CEP290: variants seen among roughly 807,000 people sequenced by gnomAD.
The protein encoded by CEP290 is centrosomal protein 290, also known as centrosomal protein of 290 kDa.
Under a neutral mutation model 344.9 loss-of-function variants are expected in CEP290, and 317 were observed. The observed-to-expected ratio is 0.92, with a 90% CI of 0.84 to 1.01. CEP290 has a LOEUF of 1.01. Ranked by LOEUF, CEP290 falls within the 50% of genes least tolerant of loss-of-function variation. The pLI is 0.00. For missense variants in CEP290, 2,754 were observed against 2,761.4 expected (o/e 1.00, Z 0.06); for synonymous variants, 932 against 895.8 (o/e 1.04, Z -0.72).
chr12:88,083,713 C>A, intron 36 of CEP290, 134 bp downstream of exon 36: 1 of 643,370 alleles, frequency 1.6e-6, no homozygotes, highest in Non-Finnish European at 2.7e-6. Flanking sequence ...GAAGAATGAT[C>A]AGAGCTATGT....
At position 88,098,560 on chromosome 12, in the gene CEP290, T is replaced by A. The variant is rs149355354; in HGVS notation, c.2992-1561A>T. 2.8e-4 allele frequency among the ~76,000 whole-genome samples: 43 copies of A among 151,974 alleles called. 1 individual carries two copies. The highest frequency in any genetic ancestry group is 9.9e-4 in the African/African-American group (41 of 41,420). On this transcript the variant is annotated intron_variant, in intron 26 of 53. Transcript: ENST00000552810. ...CCAGGAGGGCAAGGCTGCAATGAGC[T>A]ATGATTGTGCAACTGCACTCGAGCC...
intron 17 of CEP290, among the ~76,000 whole-genome samples, chr12:88,117,637 A>G (rs2039134980): frequency 6.6e-6 from 1 of 152,362 alleles, no homozygotes; most frequent in Non-Finnish European, 1.5e-5. Flanking sequence ...AAGCACTGCA[A>G]TGGCTATTAT....
chr12:88,103,618 T>C (rs1565871773), intron 25 of CEP290: 1 of 152,102 alleles, frequency 6.6e-6, no homozygotes, highest in Non-Finnish European at 1.5e-5. Flanking sequence ...CAAAATGAAA[T>C]GTCCAAACTT....
chr12:88,065,630 C>T (rs956567119), intron 44 of CEP290, among the ~76,000 whole-genome samples: 2 of 152,090 alleles, frequency 1.3e-5, no homozygotes, highest in Admixed American at 1.3e-4. Flanking sequence ...TTCTGTTGTA[C>T]CTATTTGATT....
At chr12:88,121,654 C>T (rs1468694263) in intron 13 of CEP290, among the ~76,000 whole-genome samples, 2 of 150,842 alleles carry the variant, frequency 1.3e-5, no homozygotes, top group Non-Finnish European at 3.0e-5. Context: ...AAGGAGTAAT[C>T]TCTCTTCTCT....
chr12:88,103,999 G>A (rs1389421368), intron 25 of CEP290: 1 of 151,926 alleles, frequency 6.6e-6, no homozygotes, highest in African/African-American at 2.4e-5. Context: ...TCATGAGCAG[G>A]TAGAAGAGGA....
intron 23 of CEP290, 64 bp from the exon 24 acceptor site, chr12:88,107,162 T>C (rs1171934695): frequency 2.5e-5 from 25 of 1,020,084 alleles, no homozygotes; most frequent in Non-Finnish European, 3.2e-5. Flanking sequence ...TAAGAAAAGA[T>C]AACTTCAGAT....
chr12:88,096,442 A>T (rs923954037), intron 27 of CEP290, among the ~76,000 whole-genome samples: 17 of 152,244 alleles, frequency 1.1e-4, no homozygotes, highest in African/African-American at 4.1e-4. Flanking sequence ...TAGGAGCAAA[A>T]ATATACAGTA....
At chr12:88,079,286 G>C in intron 38 of CEP290, 57 bp from the exon 39 acceptor site, 1 of 1,311,294 alleles carries the variant, frequency 7.6e-7, no homozygotes, top group Non-Finnish European at 1.0e-6. Flanking sequence ...CATTTTATAT[G>C]AATATATGAT....
In CEP290 at chr12:88,096,950, A is replaced by G. The variant is rs1340463039; in HGVS notation, c.3041T>C (p.Leu1014Pro). 2 of 1,580,260 alleles carry G rather than the reference A, an allele frequency of 1.3e-6. No homozygotes were observed. Among genetic ancestry groups the G allele is most frequent in the Non-Finnish European group, 1.7e-6 (2 of 1,160,874 alleles). Residue 1014 changes from leucine (L) to proline (P), a missense_variant, in exon 27 of 54, where the codon CTG becomes CCG. Transcript: ENST00000552810. The part of the protein sequence containing the change: ...KEQVESINKE[L>P]EITKEKLHTI... ...GTGAAGTTTTTCCTTGGTAATCTCC[A>G]GTTCTTTATTTATAGACTCCACTTG...
intron 13 of CEP290, among the ~76,000 whole-genome samples, chr12:88,123,843 T>C (rs113764851): frequency 0.016 from 2,435 of 152,202 alleles, 22 homozygotes; most frequent in Admixed American, 0.022. Flanking sequence ...TAAAATTAAG[T>C]ACCTGATTAT....
At position 88,080,395 on chromosome 12, in the gene CEP290, C is replaced by G. The variant is rs1173154577; in HGVS notation, c.5013G>C (p.Gln1671His). 5 of 1,604,852 alleles carry G rather than the reference C, an allele frequency of 3.1e-6. No individual in the cohort carries two copies. The highest frequency in any genetic ancestry group is 1.7e-6 in the Non-Finnish European group (2 of 1,173,438). Residue 1671 changes from glutamine to histidine, a missense_variant and splice_region_variant, in exon 38 of 54, where the codon CAG becomes CAC. Gln to His is a conservative substitution (Grantham distance 24). Coordinates refer to ENST00000552810, the MANE Select transcript of CEP290 (RefSeq NM_025114.4). ...CTTCATCTTCATGGTTTTCTTGAAGCCTGATGTAAATAAACATATGTGTGT... is the reference window on the plus strand; with the variant it reads ...CTTCATCTTCATGGTTTTCTTGAAGGCTGATGTAAATAAACATATGTGTGT... ...KVKEFENIKL[Q>H]LQENHEDEVK...
rs1044791066 is a variant in CEP290, at chr12:88,139,073, A to G, written c.297+72T>C. 3.6e-5 allele frequency: 29 copies of G among 800,514 alleles called. No homozygotes were observed. In the Admixed American group the frequency reaches 6.9e-4, roughly 19 times the overall value. 49.6% of individuals were successfully genotyped at this position (800,514 alleles called of 1,614,324 possible). The stretch of plus-strand genomic sequence containing the variant: ...CTTATAATTTTTCCAGCCAACAATA[A>G]TTTTAAAATTTGAAAACAATTCAAA... On this transcript the variant is annotated intron_variant, in intron 5 of 53. Coordinates refer to ENST00000552810, the MANE Select transcript of CEP290 (RefSeq NM_025114.4).
Position 88,129,744 on chromosome 12 carries a change from C to T in CEP290, c.802G>A (p.Asp268Asn). The change falls in exon 10 of 54, where the codon GAT becomes AAT. Residue 268 changes from aspartate to asparagine, a missense_variant. Transcript: ENST00000552810. ...TTTTTTAACTGATCTATTACATTATCTGTCTGATGCACAATAGCTTTCATT... is the reference window on the plus strand; with the variant it reads ...TTTTTTAACTGATCTATTACATTATTTGTCTGATGCACAATAGCTTTCATT... ...NRMKAIVHQTDNVIDQLKKEN... is the reference protein window; with the variant it reads ...NRMKAIVHQTNNVIDQLKKEN... 1 of 1,480,968 alleles carries T rather than the reference C, an allele frequency of 6.8e-7. No homozygotes were observed. Among genetic ancestry groups the T allele is most frequent in the Non-Finnish European group, 9.1e-7 (1 of 1,100,902 alleles). 91.7% of individuals were successfully genotyped at this position (1,480,968 alleles called of 1,614,324 possible).
chr12:88,106,947 T>C lies in CEP290; in HGVS notation c.2587-42A>G, dbSNP rs781072506. 1.7e-5 allele frequency: 26 copies of C among 1,558,348 alleles called. No individual in the cohort carries two copies. The South Asian group carries it at 2.9e-4, about 18-fold the overall frequency. On this transcript the variant is annotated intron_variant, in intron 24 of 53. Transcript: ENST00000552810. ...CCATATTACTTGTTGAATCTAGCTA[T>C]CCTACTTTGTACAATATTGCATACT...
chr12:88,072,452 G>A (rs2035452603), intron 41 of CEP290, among the ~76,000 whole-genome samples: 1 of 152,100 alleles, frequency 6.6e-6, no homozygotes, highest in Non-Finnish European at 1.5e-5. Context: ...GGCATGCCGA[G>A]CTATTAGGAA....
chr12:88,054,150 C>T (rs1038878753), intron 51 of CEP290, among the ~76,000 whole-genome samples, 190 bp downstream of exon 51: 7 of 151,974 alleles, frequency 4.6e-5, no homozygotes, highest in Non-Finnish European at 7.4e-5. Flanking sequence ...TGGGTTTATC[C>T]TTTTTTTCTA....
At chr12:88,052,297 T>C (rs533898376) in intron 52 of CEP290, among the ~76,000 whole-genome samples, 1 of 152,208 alleles carries the variant, frequency 6.6e-6, no homozygotes, top group Non-Finnish European at 1.5e-5. Context: ...ATTAATCATA[T>C]TTTATAGAAG....
At chr12:88,051,550 T>C (rs1261575786) in intron 52 of CEP290, among the ~76,000 whole-genome samples, 2 of 152,130 alleles carry the variant, frequency 1.3e-5, no homozygotes, top group African/African-American at 2.4e-5. Context: ...AGACAGTGAT[T>C]TAGAATTTCC....
Sources: allele counts gnomAD v4.1 joint callset (sites outside exome capture counted in the v4.1 genomes callset), GRCh38; gene constraint gnomAD v4.1.1; transcripts MANE v1.5; gene names NCBI Gene and HGNC (gene_info 2026-07-23, HGNC 2026-07-21).